PREX1: variants seen among roughly 807,000 people sequenced by gnomAD.
PREX1 encodes the protein phosphatidylinositol 3,4,5-trisphosphate-dependent Rac exchanger 1 protein.
PREX1 carries 41 observed loss-of-function variants against 198.3 expected under a neutral mutation model. The ratio of observed to expected loss-of-function variants is 0.21; its 90% confidence interval spans 0.16 to 0.27. The LOEUF is 0.27. Among genes scored for constraint, PREX1 ranks in the 10% least tolerant of loss-of-function variants. PREX1 has a pLI of 1.00. For missense variants in PREX1, 1,620 were observed against 2,200.7 expected, an observed-to-expected ratio of 0.74 and a Z score of 5.28; for synonymous variants, 843 against 887.2, an observed-to-expected ratio of 0.95 and a Z score of 0.89.
At chr20:48,678,958 G>C (rs2089728224) in intron 13 of PREX1, among the ~76,000 whole-genome samples, 1 of 152,196 alleles carries the variant, frequency 6.6e-6, no homozygotes, top group Admixed American at 6.5e-5. Context: ...GGAAGTGAGG[G>C]AACGAATATG....
At chr20:48,671,861 T>TCCCC (rs1201709231) in intron 14 of PREX1, among the ~76,000 whole-genome samples, 1 of 152,166 alleles carries the variant, frequency 6.6e-6, no homozygotes, top group Non-Finnish European at 1.5e-5. Context: ...CCACCCTGTG[T>TCCCC]CCCCACACCA....
At chr20:48,813,166 T>G (rs1244727481) in intron 1 of PREX1, among the ~76,000 whole-genome samples, 1 of 152,214 alleles carries the variant, frequency 6.6e-6, no homozygotes. Flanking sequence ...AGTAGGTGCT[T>G]AACACAATGT....
At chr20:48,774,481 C>G (rs1311824715) in intron 1 of PREX1, among the ~76,000 whole-genome samples, 2 of 152,238 alleles carry the variant, frequency 1.3e-5, no homozygotes, top group Admixed American at 1.3e-4. Context: ...TGGGGTCAGA[C>G]AGAGATAGCT....
At chr20:48,669,437 G>T (rs1264780528) in intron 14 of PREX1, among the ~76,000 whole-genome samples, 1 of 152,136 alleles carries the variant, frequency 6.6e-6, no homozygotes, top group Non-Finnish European at 1.5e-5. Flanking sequence ...TTTGCTTAAG[G>T]TCTGTTGCCC....
At chr20:48,781,417 C>T (rs575088969) in intron 1 of PREX1, among the ~76,000 whole-genome samples, 1 of 152,214 alleles carries the variant, frequency 6.6e-6, no homozygotes, top group Non-Finnish European at 1.5e-5. Flanking sequence ...TTCTTAAAGC[C>T]CTGTGCTGAC....
intron 14 of PREX1, among the ~76,000 whole-genome samples, chr20:48,668,943 C>A (rs905541900): frequency 3.3e-5 from 5 of 152,182 alleles, no homozygotes; most frequent in Non-Finnish European, 4.4e-5. Flanking sequence ...CCAGCCTCCC[C>A]ACAGGGTCTT....
chr20:48,659,986 C>T lies in PREX1; in HGVS notation c.1814G>A (p.Ser605Asn), dbSNP rs1057376183. Residue 605 changes from serine to asparagine, a missense_variant, in exon 16 of 40, where the codon AGC (serine) becomes AAC (asparagine). This residue lies in a region of PREX1 where 488 missense variants were observed against 802.5 expected (regional missense o/e 0.61). Transcript: ENST00000371941. ...FHADEEMEGT[S>N]SKNKQLRNDF... ...GTTGCGAAGCTGTTTGTTCTTGCTG[C>T]TGGTCCCCTCCATCTCCTCGTCAGC... 1.5e-5 allele frequency: 24 copies of T among 1,614,118 alleles called. No individual in the cohort carries two copies. The highest frequency in any genetic ancestry group is 1.8e-5 in the Non-Finnish European group (21 of 1,180,050).
At chr20:48,797,807 C>T (rs1415031151) in intron 1 of PREX1, among the ~76,000 whole-genome samples, 1 of 152,206 alleles carries the variant, frequency 6.6e-6, no homozygotes, top group Non-Finnish European at 1.5e-5. Context: ...CCCGCTGTAA[C>T]CCCACCTGAT....
At chr20:48,646,090 C>T (rs997235910) in intron 25 of PREX1, 33 bp from the exon 26 acceptor site, 1 of 1,599,474 alleles carries the variant, frequency 6.3e-7, no homozygotes, top group African/African-American at 1.3e-5. Flanking sequence ...GTCAAAGATA[C>T]AGGCCTGGCC....
chr20:48,703,534 C>T lies in PREX1; in HGVS notation c.784-2648G>A, dbSNP rs557053878. 5.3e-5 allele frequency among the ~76,000 whole-genome samples: 8 copies of T among 152,346 alleles called. No homozygotes were observed. In the South Asian group the frequency reaches 1.2e-3, roughly 24 times the overall value. ...CCATGCGCAGCACACGGCAGACAAC[C>T]GGTTCAGCAGTCCCTGGAGCCCACG... On this transcript the variant is annotated intron_variant, in intron 6 of 39. Transcript: ENST00000371941.
chr20:48,687,379 G>A (rs533255882), intron 10 of PREX1, among the ~76,000 whole-genome samples: 7 of 152,178 alleles, frequency 4.6e-5, no homozygotes, highest in Non-Finnish European at 1.0e-4. Flanking sequence ...GCTTTCCAGC[G>A]CCTTAAAGTC....
chr20:48,864,586 G>A, the PREX1 span, among the ~76,000 whole-genome samples: 1 of 152,134 alleles, frequency 6.6e-6, no homozygotes, highest in Admixed American at 6.6e-5. Context: ...AGGTCACATC[G>A]CTCATCGAAG....
chr20:48,887,437 T>C, the PREX1 span, among the ~76,000 whole-genome samples: 2 of 151,914 alleles, frequency 1.3e-5, no homozygotes, highest in Non-Finnish European at 1.5e-5. Flanking sequence ...CTGGCCAACA[T>C]GACAAAACCC....
At chr20:48,828,884 T>C (rs2123098904), upstream of PREX1, among the ~76,000 whole-genome samples, 1 of 152,324 alleles carries the variant, frequency 6.6e-6, no homozygotes, top group Non-Finnish European at 1.5e-5. Flanking sequence ...TGGGCAATGT[T>C]GATCATCACC....
In PREX1 at chr20:48,642,230, C is replaced by A. The variant is rs759171440; in HGVS notation, c.3713G>T (p.Gly1238Val). 1.2e-6 allele frequency: 2 copies of A among 1,614,178 alleles called. No individual in the cohort carries two copies. Among genetic ancestry groups the A allele is most frequent in the South Asian group, 2.2e-5 (2 of 91,078 alleles). ...TTCGAAAGCCCGGCTCATGACTGGC[C>A]CCTTGAGGAGAGCATTGATGGAGTC... ...QVDSINALLK[G>V]PVMSRAFEET... Residue 1238 changes from glycine (G) to valine (V), a missense_variant, in exon 29 of 40, where the codon GGG becomes GTG. Physicochemically the swap from Gly to Val is moderately radical, Grantham distance 109. Transcript: ENST00000371941.
intron 7 of PREX1, among the ~76,000 whole-genome samples, chr20:48,694,198 C>T (rs1401137570): frequency 6.6e-6 from 1 of 152,182 alleles, no homozygotes; most frequent in Non-Finnish European, 1.5e-5. Flanking sequence ...AGGTATGAGC[C>T]ACCACGCCCA....
intron 39 of PREX1, among the ~76,000 whole-genome samples, chr20:48,626,341 G>T (rs1476501636): frequency 2.0e-5 from 3 of 152,230 alleles, no homozygotes; most frequent in Non-Finnish European, 4.4e-5. Flanking sequence ...GTGGTGTCCA[G>T]GGCAAGCAGA....
chr20:48,869,910 A>G, the PREX1 span, among the ~76,000 whole-genome samples: 1 of 152,216 alleles, frequency 6.6e-6, no homozygotes, highest in Admixed American at 6.5e-5. Flanking sequence ...CTTAAAACCT[A>G]AATGACAGGT....
At chr20:48,841,119 C>T in the PREX1 span, among the ~76,000 whole-genome samples, 1 of 152,128 alleles carries the variant, frequency 6.6e-6, no homozygotes, top group Non-Finnish European at 1.5e-5. Context: ...CGGGGTTTCA[C>T]TATGTTGCCC....
Sources: gnomAD v4.1 joint callset for allele counts (sites outside exome capture counted in the v4.1 genomes callset) on GRCh38, gnomAD v4.1.1 for gene constraint, gnomAD v4.1.1 regional missense constraint, MANE v1.5 for transcripts, NCBI Gene and HGNC (gene_info 2026-07-23, HGNC 2026-07-21) for gene names.